The following ADGRL2 variants were observed in gnomAD, a reference collection of about 807,000 sequenced individuals.
ADGRL2 encodes the protein adhesion G protein-coupled receptor L2, also known as calcium-independent alpha-latrotoxin receptor 2.
ADGRL2 carries 44 observed loss-of-function variants against 157.4 expected under a neutral mutation model. The ratio of observed to expected loss-of-function variants is 0.28; its 90% CI spans 0.22 to 0.36. The LOEUF is 0.36. ADGRL2 is among the 10% of genes least tolerant of loss of function. The probability of loss-of-function intolerance (pLI) is 1.00; values close to 1 mark genes in which losing one functional copy is unlikely to be tolerated. For synonymous variants in ADGRL2, 585 were observed against 624.7 expected (o/e 0.94, Z 0.95); for missense variants, 1,510 against 1,768.9 (o/e 0.85, Z 2.63).
At chr1:81,711,886 G>A (rs962038734) in intron 1 of ADGRL2, among the ~76,000 whole-genome samples, 1 of 152,218 alleles carries the variant, frequency 6.6e-6, no homozygotes, top group Non-Finnish European at 1.5e-5. Context: ...TAAGGGAGAA[G>A]ATAGATTAAT....
At chr1:81,582,236 T>G (rs1334221054) in intron 3 of ADGRL2, among the ~76,000 whole-genome samples, 1 of 152,002 alleles carries the variant, frequency 6.6e-6, no homozygotes, top group East Asian at 1.9e-4. Flanking sequence ...AATTTTTTTT[T>G]TAGTTAAAAA....
intron 2 of ADGRL2, among the ~76,000 whole-genome samples, chr1:81,871,726 A>G (rs1487051374): frequency 1.3e-5 from 2 of 152,164 alleles, no homozygotes; most frequent in African/African-American, 2.4e-5. Flanking sequence ...GGCTGCATAA[A>G]TGTCTTCTTT....
intron 1 of ADGRL2, among the ~76,000 whole-genome samples, chr1:81,404,930 T>G (rs4573556): frequency 0.96 from 145,930 of 152,294 alleles, 70,069 homozygotes; most frequent in Non-Finnish European, 0.99. Flanking sequence ...TATAATATCT[T>G]AATTGACTAT....
intron 1 of ADGRL2, among the ~76,000 whole-genome samples, chr1:81,714,689 T>C (rs866187786): frequency 2.0e-5 from 3 of 152,184 alleles, no homozygotes; most frequent in African/African-American, 7.2e-5. Context: ...GCTGAAATAT[T>C]ATAACTTACT....
rs557581437 is a variant in ADGRL2 at position 81,576,629 on chromosome 1, G to A, written c.-247-4247G>A. ...AAAAATGTGGTGGAATGTTTAGTTC[G>A]GCGCACCCACATTTCAGGTTTCTCT... On this transcript the variant is annotated intron_variant, in intron 2 of 24. Coordinates refer to the ADGRL2 transcript ENST00000370721. 5.3e-5 allele frequency among the ~76,000 whole-genome samples: 8 copies of A among 152,124 alleles called. No homozygotes were observed. The South Asian group carries it at 6.2e-4, about 12-fold the overall frequency.
intron 3 of ADGRL2, among the ~76,000 whole-genome samples, chr1:81,917,231 TG>T (rs377164813): frequency 6.6e-6 from 1 of 152,256 alleles, no homozygotes; most frequent in East Asian, 1.9e-4. Context: ...ACCAAAACTA[TG>T]ATAGTAACAG....
intron 10 of ADGRL2, among the ~76,000 whole-genome samples, chr1:81,954,376 G>T (rs1652804824): frequency 6.6e-6 from 1 of 152,124 alleles, no homozygotes. Context: ...GTAAATTTCA[G>T]CATGACCTTA....
At chr1:81,732,814 A>C (rs564037332) in intron 1 of ADGRL2, among the ~76,000 whole-genome samples, 3 of 152,292 alleles carry the variant, frequency 2.0e-5, no homozygotes, top group Non-Finnish European at 4.4e-5. Flanking sequence ...ATATGTCTTA[A>C]GACTTTTATT....
intron 1 of ADGRL2, among the ~76,000 whole-genome samples, chr1:81,810,468 A>G (rs2089725037): frequency 6.6e-6 from 1 of 151,808 alleles, no homozygotes; most frequent in African/African-American, 2.4e-5. Flanking sequence ...ACCATTTTAT[A>G]GTGTTTGCTA....
At chr1:81,761,290 TCTC>T (rs2085873332) in intron 1 of ADGRL2, among the ~76,000 whole-genome samples, 1 of 151,734 alleles carries the variant, frequency 6.6e-6, no homozygotes, top group African/African-American at 2.4e-5. Context: ...TTCAAGCAAA[TCTC>T]CTTCATATAT....
chr1:81,898,523 G>A (rs2151573153), intron 2 of ADGRL2, among the ~76,000 whole-genome samples: 1 of 152,248 alleles, frequency 6.6e-6, no homozygotes, highest in East Asian at 1.9e-4. Context: ...GATTGATAAA[G>A]GCATTTCTAA....
intron 3 of ADGRL2, among the ~76,000 whole-genome samples, chr1:81,689,646 C>A (rs567907817): frequency 6.6e-6 from 1 of 152,184 alleles, no homozygotes; most frequent in Admixed American, 6.5e-5. Context: ...CTGCTGTCTT[C>A]GTCCACCCAC....
intron 11 of ADGRL2, among the ~76,000 whole-genome samples, chr1:81,958,113 C>T (rs574386778): frequency 1.1e-4 from 17 of 150,542 alleles, no homozygotes; most frequent in African/African-American, 4.2e-4. Flanking sequence ...AAAAATTAGC[C>T]AGGCGTGGTG....
intron 3 of ADGRL2, among the ~76,000 whole-genome samples, chr1:81,684,529 A>G (rs2083191041): frequency 6.6e-6 from 1 of 152,134 alleles, no homozygotes; most frequent in Non-Finnish European, 1.5e-5. Flanking sequence ...GATTCTGGAT[A>G]TTAGTCATTT....
intron 1 of ADGRL2, among the ~76,000 whole-genome samples, chr1:81,747,164 T>A (rs1296013551): frequency 2.4e-5 from 3 of 127,034 alleles, no homozygotes; most frequent in Non-Finnish European, 5.3e-5. Flanking sequence ...TATATGTATG[T>A]GTGTATATAT....
At chr1:81,669,631 T>C (rs1023404348) in intron 3 of ADGRL2, among the ~76,000 whole-genome samples, 1 of 152,134 alleles carries the variant, frequency 6.6e-6, no homozygotes, top group Non-Finnish European at 1.5e-5. Context: ...AAATGCAGGA[T>C]GCTCTAAGAG....
chr1:81,460,464 G>A (rs188838338), intron 2 of ADGRL2, among the ~76,000 whole-genome samples: 2 of 152,086 alleles, frequency 1.3e-5, no homozygotes. Context: ...ATTTTTCAAA[G>A]TTAAAAAAAT....
chr1:81,569,048 A>G lies in ADGRL2; in HGVS notation c.-247-11828A>G, dbSNP rs564452370. ...TAAAAATTCTTTAAATTTCCTCTGT[A>G]TAGCCACTTATTTCCCTACCTCAAC... On this transcript the variant is annotated intron_variant, in intron 2 of 24. Transcript: ENST00000370721. Among the ~76,000 whole-genome samples, 5 of 152,298 alleles carry G rather than the reference A, an allele frequency of 3.3e-5. No individual in the cohort carries two copies. The East Asian group carries it at 9.6e-4, about 29-fold the overall frequency.
At chr1:81,550,639 C>A (rs2080123310) in intron 2 of ADGRL2, among the ~76,000 whole-genome samples, 1 of 152,138 alleles carries the variant, frequency 6.6e-6, no homozygotes, top group Non-Finnish European at 1.5e-5. Flanking sequence ...AGCAGCACGC[C>A]GAGTTGGCAG....
Sources: allele counts gnomAD v4.1 joint callset (sites outside exome capture counted in the v4.1 genomes callset), GRCh38; gene constraint gnomAD v4.1.1; transcripts MANE v1.5; gene names NCBI Gene and HGNC (gene_info 2026-07-23, HGNC 2026-07-21).